IQGAP2: variants seen among roughly 807,000 people sequenced by gnomAD.
The protein encoded by IQGAP2 is IQ motif containing GTPase activating protein 2.
Under a neutral mutation model 201.3 loss-of-function variants are expected in IQGAP2, and 173 were observed. The ratio of observed to expected loss-of-function variants is 0.86; its 90% CI spans 0.76 to 0.98. The LOEUF (loss-of-function observed/expected upper bound fraction) is 0.98, where lower values mean the gene tolerates loss of function less well. Ranked by LOEUF, IQGAP2 falls within the 50% of genes least tolerant of loss-of-function variation. IQGAP2 has a pLI of 0.00. For synonymous variants in IQGAP2, 675 were observed against 673.9 expected, an observed-to-expected ratio of 1.00 and a Z score of -0.03; for missense variants, 1,687 against 1,864.8, an observed-to-expected ratio of 0.90 and a Z score of 1.76.
intron 15 of IQGAP2, among the ~76,000 whole-genome samples, chr5:76,633,821 A>G (rs1015605111): frequency 6.6e-6 from 1 of 152,164 alleles, no homozygotes; most frequent in African/African-American, 2.4e-5. Context: ...TTTACCTAGC[A>G]TAATATTTTC....
chr5:76,420,754 G>A (rs1307480672), intron 1 of IQGAP2, among the ~76,000 whole-genome samples: 2 of 152,110 alleles, frequency 1.3e-5, no homozygotes, highest in African/African-American at 4.8e-5. Context: ...TCCCAGCACT[G>A]GATAACCACC....
chr5:76,638,907 A>T (rs114790677), intron 16 of IQGAP2, among the ~76,000 whole-genome samples: 1 of 152,204 alleles, frequency 6.6e-6, no homozygotes, highest in Non-Finnish European at 1.5e-5. Context: ...GTGGGCAGCC[A>T]TGAAGAAACA....
In IQGAP2 at chr5:76,677,186, G is replaced by C. The variant is rs199680925; in HGVS notation, c.3528-32G>C. On this transcript the variant is annotated intron_variant, in intron 27 of 35. Transcript: ENST00000274364. Reference sequence around the variant, plus strand: ...GAAACTGTTTAATGCACATGTTTGAGTCTGTCTTAAGACTTTTCCCCCCTT... The same window carrying C: ...GAAACTGTTTAATGCACATGTTTGACTCTGTCTTAAGACTTTTCCCCCCTT... The C allele has an allele frequency of 2.5e-4, 399 of 1,598,104 alleles. 4 individuals are homozygous for C. In the South Asian group the frequency reaches 4.2e-3, roughly 17 times the overall value.
intron 17 of IQGAP2, among the ~76,000 whole-genome samples, chr5:76,641,353 G>A (rs1041290231): frequency 6.6e-6 from 1 of 152,180 alleles, no homozygotes; most frequent in African/African-American, 2.4e-5. Context: ...TCCACCTGCT[G>A]CCAACCTAGT....
chr5:76,597,570 G>T lies in IQGAP2; in HGVS notation c.1039G>T (p.Glu347Ter). ...YPFAAAMYQN[E>*]LFNLQKQNTM... ...CTTTGCTGCTGCCATGTATCAGAAC[G>T]AACTTTTCAACCTCCAGAAACAGAA... The change falls in exon 10 of 36, where the codon GAA (glutamate) becomes TAA (stop). Residue 347 changes from glutamate (E) to a stop codon, truncating the protein, a stop_gained. Coordinates refer to ENST00000274364, the MANE Select transcript of IQGAP2 (RefSeq NM_006633.5). LOFTEE classifies it high-confidence loss of function. The T allele has an allele frequency of 6.2e-7, 1 of 1,613,896 alleles. No homozygotes were observed. Among genetic ancestry groups the T allele is most frequent in the Non-Finnish European group, 8.5e-7 (1 of 1,179,970 alleles).
At position 76,484,416 on chromosome 5, in the gene IQGAP2, C is replaced by T. The variant is rs527743607; in HGVS notation, c.146+22747C>T. 2.0e-5 allele frequency among the ~76,000 whole-genome samples: 3 copies of T among 152,238 alleles called. No homozygotes were observed. In the South Asian group the frequency reaches 6.2e-4, roughly 32 times the overall value. ...TGGTCTCCACTTGTCTGTTCTGCTTCCCACTTGAGAGTACTGTGTTCATTC... is the reference window on the plus strand; with the variant it reads ...TGGTCTCCACTTGTCTGTTCTGCTTTCCACTTGAGAGTACTGTGTTCATTC... On this transcript the variant is annotated intron_variant, in intron 2 of 35. Transcript: ENST00000274364.
chr5:76,477,045 C>A (rs188383716), intron 2 of IQGAP2, among the ~76,000 whole-genome samples: 1 of 152,120 alleles, frequency 6.6e-6, no homozygotes, highest in East Asian at 1.9e-4. Context: ...TTTTATGATC[C>A]GTTAAAACAT....
chr5:76,670,123 A>G (rs1033949553), intron 23 of IQGAP2, among the ~76,000 whole-genome samples: 15 of 152,228 alleles, frequency 9.9e-5, no homozygotes, highest in African/African-American at 3.4e-4. Context: ...AGGGGAGAAC[A>G]TGGGTTTTGG....
chr5:76,691,496 A>G (rs1199592760), intron 30 of IQGAP2: 1 of 152,240 alleles, frequency 6.6e-6, no homozygotes, highest in Non-Finnish European at 1.5e-5. Flanking sequence ...TAATACATTG[A>G]TGATGATGGC....
At chr5:76,535,776 G>T (rs1270486335) in intron 2 of IQGAP2, among the ~76,000 whole-genome samples, 2 of 152,154 alleles carry the variant, frequency 1.3e-5, no homozygotes, top group African/African-American at 4.8e-5. Context: ...CTACCCTACC[G>T]GCAGTGCGCC....
intron 28 of IQGAP2, 150 bp downstream of exon 28, chr5:76,677,500 G>A: frequency 1.7e-6 from 1 of 596,206 alleles, no homozygotes; most frequent in Non-Finnish European, 2.7e-6. Flanking sequence ...TTTATTCCAT[G>A]ACTCTTATAC....
rs149707823 is a variant in IQGAP2 at position 76,586,237 on chromosome 5, G to A, written c.459-2669G>A. On this transcript the variant is annotated intron_variant, in intron 5 of 35. Coordinates refer to ENST00000274364, the MANE Select transcript of IQGAP2 (RefSeq NM_006633.5). ...AGTTTGGGATTATGAATACATAATG[G>A]CTATTTCACTTTGAAGAATGTTCAA... Among the ~76,000 whole-genome samples, 181 of 152,134 alleles carry A rather than the reference G, an allele frequency of 1.2e-3. 1 individual carries two copies. Among genetic ancestry groups the A allele is most frequent in the African/African-American group, 4.2e-3 (175 of 41,498 alleles).
chr5:76,409,802 C>G (rs1206242803), intron 1 of IQGAP2, among the ~76,000 whole-genome samples: 10 of 152,138 alleles, frequency 6.6e-5, no homozygotes, highest in Non-Finnish European at 1.5e-5. Context: ...TGAGCTGATA[C>G]TTTGTCACCT....
chr5:76,415,046 A>G (rs1751335235), intron 1 of IQGAP2, among the ~76,000 whole-genome samples: 1 of 152,228 alleles, frequency 6.6e-6, no homozygotes, highest in Non-Finnish European at 1.5e-5. Flanking sequence ...ATATTTCTAG[A>G]AGGTTATGCA....
At chr5:76,484,547 A>G (rs1755993728) in intron 2 of IQGAP2, among the ~76,000 whole-genome samples, 1 of 152,218 alleles carries the variant, frequency 6.6e-6, no homozygotes, top group Non-Finnish European at 1.5e-5. Context: ...ATATCGGGCT[A>G]TGAAGCACTT....
intron 2 of IQGAP2, among the ~76,000 whole-genome samples, chr5:76,548,179 A>G (rs890011555): frequency 6.6e-6 from 1 of 152,202 alleles, no homozygotes; most frequent in Non-Finnish European, 1.5e-5. Flanking sequence ...GATAGAGGAA[A>G]TTGTGGCCCA....
At chr5:76,707,122 C>G in intron 35 of IQGAP2, 78 bp from the exon 36 acceptor site, 1 of 765,566 alleles carries the variant, frequency 1.3e-6, no homozygotes, top group East Asian at 2.6e-5. Context: ...TGACTTTTGT[C>G]AACAAATTCT....
At chr5:76,610,359 A>T (rs953048690) in intron 12 of IQGAP2, among the ~76,000 whole-genome samples, 1 of 151,360 alleles carries the variant, frequency 6.6e-6, no homozygotes, top group African/African-American at 2.4e-5. Flanking sequence ...TCACTAGAAA[A>T]ATACAAATCC....
intron 15 of IQGAP2, among the ~76,000 whole-genome samples, chr5:76,635,605 G>T (rs1016934929): frequency 6.6e-6 from 1 of 152,130 alleles, no homozygotes; most frequent in Non-Finnish European, 1.5e-5. Context: ...CACTTTGGGC[G>T]GCTGAGGTGA....
Sources: allele counts gnomAD v4.1 joint callset (sites outside exome capture counted in the v4.1 genomes callset), GRCh38; gene constraint gnomAD v4.1.1; transcripts MANE v1.5; gene names NCBI Gene and HGNC (gene_info 2026-07-23, HGNC 2026-07-21).